Variants in KDM2B observed in about 807,000 individuals in gnomAD.
KDM2B encodes lysine-specific demethylase 2B.
A neutral mutation model predicts 150.0 loss-of-function variants in KDM2B; 26 were observed. The observed-to-expected ratio is 0.17, with a 90% CI of 0.13 to 0.24. KDM2B has a LOEUF of 0.24. KDM2B is among the 10% of genes least tolerant of loss of function. KDM2B has a pLI of 1.00. For missense variants in KDM2B, 1,265 were observed against 1,816.9 expected (o/e 0.70, Z 5.52); for synonymous variants, 734 against 729.5 (o/e 1.01, Z -0.10).
chr12:121,441,292 C>A, intron 19 of KDM2B, 59 bp from the exon 20 acceptor site: 1 of 1,536,132 alleles, frequency 6.5e-7, no homozygotes, highest in South Asian at 1.2e-5. Flanking sequence ...AGGGAGCCCA[C>A]ACACAGCTCT....
At position 121,430,141 on chromosome 12, in the gene KDM2B, G is replaced by T. The variant is rs782116976; in HGVS notation, c.*147C>A. ...TCACTCATCCCCCAAACGGGTGGTT[G>T]AACAGCTTCTCCCTTGGAAAGACTT... On this transcript the variant is annotated 3_prime_UTR_variant, in exon 23 of 23. Coordinates refer to ENST00000377071, the MANE Select transcript of KDM2B (RefSeq NM_032590.5). The surrounding 1 kb of genome is among the most constrained non-coding windows in gnomAD (Gnocchi z 4.4). 5 of 1,614,038 alleles carry T rather than the reference G, an allele frequency of 3.1e-6. No individual in the cohort carries two copies. The highest frequency in any genetic ancestry group is 4.2e-6 in the Non-Finnish European group (5 of 1,180,016).
chr12:121,446,955 G>A (rs976769450), intron 13 of KDM2B, among the ~76,000 whole-genome samples: 5 of 152,140 alleles, frequency 3.3e-5, no homozygotes, highest in Non-Finnish European at 5.9e-5. Context: ...CATCATGCCT[G>A]AGCAAATGAG....
Position 121,494,677 on chromosome 12 carries a change from C to A in KDM2B, c.1648-12G>T, listed in dbSNP as rs369516118. On this transcript the variant is annotated splice_polypyrimidine_tract_variant and intron_variant, in intron 11 of 22. Transcript: ENST00000377071. ...TCCTTCAGGACGTTCTGTGGCCAAACAAAGCATCCATATTAGCCCAGGGGG... is the reference window on the plus strand; with the variant it reads ...TCCTTCAGGACGTTCTGTGGCCAAAAAAAGCATCCATATTAGCCCAGGGGG... 2.5e-6 allele frequency: 4 copies of A among 1,604,262 alleles called. No homozygotes were observed. Among genetic ancestry groups the A allele is most frequent in the Non-Finnish European group, 3.4e-6 (4 of 1,174,668 alleles).
Position 121,429,818 on chromosome 12 carries a change from G to A in KDM2B, c.*470C>T, listed in dbSNP as rs1437563988. ...CTTTTAAACAATTTGTACAAAAATA[G>A]TTCTGCATAATGTAAGATGTAACAA... On this transcript the variant is annotated 3_prime_UTR_variant, in exon 23 of 23. Transcript: ENST00000377071. 3 of 550,346 alleles carry A rather than the reference G, an allele frequency of 5.5e-6. No individual in the cohort carries two copies. The African/African-American group carries it at 5.6e-5, about 10-fold the overall frequency. 34.1% of individuals were successfully genotyped at this position (550,346 alleles called of 1,614,324 possible).
chr12:121,512,107 C>A (rs1885639151), intron 10 of KDM2B, among the ~76,000 whole-genome samples: 1 of 152,192 alleles, frequency 6.6e-6, no homozygotes, highest in African/African-American at 2.4e-5. Context: ...CTCTCACTCT[C>A]CCCAGCCTCT....
intron 4 of KDM2B, among the ~76,000 whole-genome samples, chr12:121,554,664 G>T (rs995246472): frequency 1.4e-4 from 22 of 152,098 alleles, no homozygotes; most frequent in Non-Finnish European, 1.9e-4. Flanking sequence ...ACCTGCCTCA[G>T]CCTCCCAAAG....
At chr12:121,460,731 C>T (rs1878994361) in intron 12 of KDM2B, among the ~76,000 whole-genome samples, 1 of 152,060 alleles carries the variant, frequency 6.6e-6, no homozygotes, top group Non-Finnish European at 1.5e-5. Flanking sequence ...TACTTAAGTG[C>T]TAGTCATTCA....
chr12:121,456,498 G>C (rs1878258480), intron 12 of KDM2B, among the ~76,000 whole-genome samples: 1 of 152,176 alleles, frequency 6.6e-6, no homozygotes, highest in Admixed American at 6.5e-5. Context: ...CAGGTGTGAA[G>C]TGGCCAGCGT....
intron 11 of KDM2B, among the ~76,000 whole-genome samples, chr12:121,501,833 G>C (rs1224580139): frequency 6.6e-6 from 1 of 152,098 alleles, no homozygotes; most frequent in Non-Finnish European, 1.5e-5. Flanking sequence ...ATGTTGGCCA[G>C]GCTGGTCTCG....
intron 12 of KDM2B, among the ~76,000 whole-genome samples, chr12:121,463,189 C>T (rs559889526): frequency 1.5e-4 from 23 of 152,242 alleles, no homozygotes; most frequent in Admixed American, 5.9e-4. Flanking sequence ...GTGGCGCACA[C>T]CTGTAGTCCT....
intron 13 of KDM2B, among the ~76,000 whole-genome samples, chr12:121,450,742 C>T (rs1035998352): frequency 3.3e-5 from 5 of 152,102 alleles, no homozygotes; most frequent in Non-Finnish European, 7.4e-5. Context: ...CACTGGTAGT[C>T]CCAGCTACTC....
In KDM2B at chr12:121,549,111, T is replaced by G. The variant is rs1487026406; in HGVS notation, c.577-128A>C. On this transcript the variant is annotated intron_variant, in intron 5 of 22. Transcript: ENST00000377071. The surrounding 1 kb of genome is among the most constrained non-coding windows in gnomAD (Gnocchi z 4.4). ...TACTGTGGGCTCAATAGTCCCAACA[T>G]GGGAGGAAGGAAGGGCAGGGATGAC... is the stretch of plus-strand genomic sequence containing the variant. 2.8e-5 allele frequency: 20 copies of G among 703,350 alleles called. No homozygotes were observed. In the South Asian group the frequency reaches 3.1e-4, roughly 11 times the overall value. 43.6% of individuals were successfully genotyped at this position (703,350 alleles called of 1,614,324 possible).
upstream of KDM2B, chr12:121,581,124 G>A (rs1319185721): frequency 5.6e-6 from 3 of 540,268 alleles, no homozygotes; most frequent in Non-Finnish European, 9.1e-6. Context: ...TCCTTTACTA[G>A]GCGACCAGCC....
intron 7 of KDM2B, 85 bp downstream of exon 7, chr12:121,534,412 G>GT: frequency 1.1e-6 from 1 of 944,916 alleles, no homozygotes; most frequent in Non-Finnish European, 1.7e-6. Context: ...GAGGAGGGAG[G>GT]TGGGAGGAGA....
intron 8 of KDM2B, among the ~76,000 whole-genome samples, chr12:121,522,922 G>A (rs1555306159): frequency 6.6e-6 from 1 of 152,204 alleles, no homozygotes; most frequent in Non-Finnish European, 1.5e-5. Context: ...GGGAAGTCGG[G>A]CTCTGCATGG....
intron 22 of KDM2B, among the ~76,000 whole-genome samples, chr12:121,435,807 A>T (rs1425745045): frequency 6.6e-6 from 1 of 152,178 alleles, no homozygotes; most frequent in Non-Finnish European, 1.5e-5. Flanking sequence ...AGAAAGATGG[A>T]AAGATGTGAT....
intron 12 of KDM2B, chr12:121,494,309 C>A (rs1245196809): frequency 7.6e-6 from 3 of 393,776 alleles, no homozygotes; most frequent in African/African-American, 4.2e-5. Flanking sequence ...ACAGAAAATC[C>A]ACCTAACCAC....
intron 22 of KDM2B, chr12:121,433,270 C>T (rs766730354): frequency 1.6e-5 from 7 of 448,378 alleles, no homozygotes; most frequent in East Asian, 7.1e-5. Context: ...CCTGGTTTCT[C>T]GGACCTTCCA....
chr12:121,484,063 C>T (rs142559354), intron 12 of KDM2B, among the ~76,000 whole-genome samples: 32 of 152,246 alleles, frequency 2.1e-4, no homozygotes, highest in Admixed American at 5.9e-4. Flanking sequence ...AAACACTCAA[C>T]CTGCAATGAT....
Sources: allele counts gnomAD v4.1 joint callset (sites outside exome capture counted in the v4.1 genomes callset), GRCh38; gene constraint gnomAD v4.1.1; non-coding constraint Gnocchi (gnomAD v3.1); transcripts MANE v1.5; gene names NCBI Gene and HGNC (gene_info 2026-07-23, HGNC 2026-07-21).